Variants in GPATCH2L observed in about 807,000 individuals in gnomAD.
GPATCH2L encodes the protein G-patch domain containing 2 like, also known as G patch domain-containing protein 2-like.
GPATCH2L carries 31 observed loss-of-function variants against 57.4 expected under a neutral mutation model. That is an observed-to-expected ratio of 0.54 (90% CI 0.41 to 0.73). The LOEUF is 0.73. GPATCH2L is among the 30% of genes least tolerant of loss of function. The pLI, the probability that GPATCH2L is intolerant of heterozygous loss-of-function variation, is 0.00. For missense variants in GPATCH2L, 481 were observed against 599.9 expected, an observed-to-expected ratio of 0.80 and a Z score of 2.07; for synonymous variants, 199 against 210.7, an observed-to-expected ratio of 0.94 and a Z score of 0.48.
At chr14:76,159,889 T>C (rs1309782610) in intron 2 of GPATCH2L, among the ~76,000 whole-genome samples, 1 of 152,052 alleles carries the variant, frequency 6.6e-6, no homozygotes, top group Non-Finnish European at 1.5e-5. Flanking sequence ...TCCCGGCACT[T>C]TGGGAGGCCG....
chr14:76,194,484 A>AGTGTGTGTGTGTGTGTGTGTGT (rs59406744), intron 8 of GPATCH2L, among the ~76,000 whole-genome samples: 97 of 151,164 alleles, frequency 6.4e-4, no homozygotes, highest in African/African-American at 2.2e-3. Flanking sequence ...GAGACATGAA[A>AGTGTGTGTGTGTGTGTGTGTGT]GTGTGTGTGT....
chr14:76,189,378 C>A (rs1469399365), intron 8 of GPATCH2L, among the ~76,000 whole-genome samples: 2 of 150,742 alleles, frequency 1.3e-5, no homozygotes, highest in Admixed American at 6.6e-5. Flanking sequence ...TCTTCAATTT[C>A]TTTCATCCAT....
chr14:76,171,277 TAAA>T (rs57103783), intron 3 of GPATCH2L, among the ~76,000 whole-genome samples: 1 of 133,472 alleles, frequency 7.5e-6, no homozygotes, highest in Non-Finnish European at 1.6e-5. Flanking sequence ...TACAGAGAAT[TAAA>T]AAAAAAAAAA....
intron 1 of GPATCH2L, among the ~76,000 whole-genome samples, chr14:76,229,393 T>G (rs1335668992): frequency 6.6e-6 from 1 of 152,232 alleles, no homozygotes; most frequent in Non-Finnish European, 1.5e-5. Flanking sequence ...ACTATAACTT[T>G]GCAGGTAAAC....
At chr14:76,235,145 G>A (rs1343362512) in intron 2 of GPATCH2L, among the ~76,000 whole-genome samples, 6 of 143,414 alleles carry the variant, frequency 4.2e-5, no homozygotes, top group African/African-American at 1.6e-4. Context: ...TCCAGACTGG[G>A]CAACAAGAGC....
Position 76,173,535 on chromosome 14 carries a change from T to C in GPATCH2L, c.905-11T>C. The C allele has an allele frequency of 1.3e-6, 2 of 1,590,732 alleles. No homozygotes were observed. The highest frequency in any genetic ancestry group is 1.7e-6 in the Non-Finnish European group (2 of 1,163,498). On this transcript the variant is annotated splice_polypyrimidine_tract_variant and intron_variant, in intron 4 of 9. Coordinates refer to ENST00000261530, the MANE Select transcript of GPATCH2L (RefSeq NM_017926.4). The stretch of plus-strand genomic sequence containing the variant: ...TGCATTCGGTATCTGAGGCCTTCCT[T>C]CTTTTTTTAGGGTACCATACTCGCT...
At chr14:76,170,684 C>T (rs892004628) in intron 3 of GPATCH2L, 5 of 151,680 alleles carry the variant, frequency 3.3e-5, no homozygotes, top group Non-Finnish European at 7.4e-5. Context: ...ATTCTTTATT[C>T]ACCTTTTATG....
At chr14:76,163,941 A>G (rs973288236) in intron 2 of GPATCH2L, among the ~76,000 whole-genome samples, 6 of 152,172 alleles carry the variant, frequency 3.9e-5, no homozygotes, top group African/African-American at 1.4e-4. Flanking sequence ...TGGCCAGATC[A>G]TTCTCTTCCA....
rs1235446754 is a variant in GPATCH2L, at chr14:76,154,720, A to G, written c.357A>G (p.Glu119=). The change falls in exon 2 of 10, where the codon GAA becomes GAG. Residue 119 remains glutamate, a synonymous_variant. Transcript: ENST00000261530. The surrounding 1 kb of genome is among the most constrained non-coding windows in gnomAD (Gnocchi z 4.4). ...GGCATGAATCTGACTCCTTTACTGAAAATGCACCTTGTCGACCACTCAGGC... is the reference window on the plus strand; with the variant it reads ...GGCATGAATCTGACTCCTTTACTGAGAATGCACCTTGTCGACCACTCAGGC... ...HSWHESDSFT[E]NAPCRPLRRR... The G allele has an allele frequency of 6.2e-7, 1 of 1,614,164 alleles. No individual in the cohort carries two copies. The highest frequency in any genetic ancestry group is 1.1e-5 in the South Asian group (1 of 91,082).
chr14:76,217,216 G>GT (rs1040569820), downstream of GPATCH2L, among the ~76,000 whole-genome samples: 30 of 152,252 alleles, frequency 2.0e-4, no homozygotes, highest in African/African-American at 4.6e-4. Flanking sequence ...GTTTTGTTTT[G>GT]TTTTTTCTGC....
chr14:76,179,420 A>T (rs145321881), intron 7 of GPATCH2L: 210 of 152,370 alleles, frequency 1.4e-3, no homozygotes, highest in African/African-American at 4.7e-3. Flanking sequence ...GAGAGACTGC[A>T]GTTTGGGGAA....
Position 76,176,605 on chromosome 14 carries a change from T to A in GPATCH2L, c.985-18T>A, listed in dbSNP as rs1311924830. ...TTTCTGTGGTTGGATGATACTCTTGTCTGCCTTTTCTTTTTAGGAGACCAG... is the reference window on the plus strand; with the variant it reads ...TTTCTGTGGTTGGATGATACTCTTGACTGCCTTTTCTTTTTAGGAGACCAG... On this transcript the variant is annotated intron_variant, in intron 5 of 9. Transcript: ENST00000261530. The A allele has an allele frequency of 6.4e-7, 1 of 1,565,464 alleles. No homozygotes were observed. The highest frequency in any genetic ancestry group is 2.2e-5 in the East Asian group (1 of 44,646).
chr14:76,180,709 G>C (rs1254560873), intron 7 of GPATCH2L, 55 bp from the exon 8 acceptor site: 2 of 1,124,754 alleles, frequency 1.8e-6, no homozygotes, highest in Non-Finnish European at 2.7e-6. Context: ...TTACCCTTTA[G>C]GATCAGGTCC....
At chr14:76,231,482 C>T (rs1031044043) in intron 2 of GPATCH2L, among the ~76,000 whole-genome samples, 1 of 152,094 alleles carries the variant, frequency 6.6e-6, no homozygotes, top group Non-Finnish European at 1.5e-5. Context: ...TCCTTACATT[C>T]CATCTCTCTT....
intron 8 of GPATCH2L, among the ~76,000 whole-genome samples, chr14:76,182,058 T>C (rs1272357207): frequency 6.6e-6 from 1 of 152,152 alleles, no homozygotes; most frequent in Admixed American, 6.5e-5. Context: ...ACAAATGGTG[T>C]TATTAAGAAT....
At chr14:76,155,400 T>G (rs2038260113) in intron 2 of GPATCH2L, among the ~76,000 whole-genome samples, 1 of 152,238 alleles carries the variant, frequency 6.6e-6, no homozygotes, top group Admixed American at 6.5e-5. Flanking sequence ...TGAGAGAGAA[T>G]ATGCTAGCGC....
At chr14:76,217,642 C>T (rs1244361351), downstream of GPATCH2L, among the ~76,000 whole-genome samples, 1 of 151,688 alleles carries the variant, frequency 6.6e-6, no homozygotes, top group East Asian at 1.9e-4. Flanking sequence ...AACTAAAATA[C>T]AAGTGATAAC....
intron 7 of GPATCH2L, chr14:76,178,980 C>A (rs1446147839): frequency 6.6e-6 from 1 of 151,656 alleles, no homozygotes; most frequent in African/African-American, 2.4e-5. Context: ...TGGAGGATTG[C>A]ATTATCTTGG....
chr14:76,179,689 A>C (rs2039481780), intron 7 of GPATCH2L: 1 of 152,208 alleles, frequency 6.6e-6, no homozygotes, highest in Non-Finnish European at 1.5e-5. Flanking sequence ...TTTGTATGTC[A>C]GAGGGTATTA....
Sources: gnomAD v4.1 joint callset for allele counts (sites outside exome capture counted in the v4.1 genomes callset) on GRCh38, gnomAD v4.1.1 for gene constraint, Gnocchi (gnomAD v3.1) non-coding constraint, MANE v1.5 for transcripts, NCBI Gene and HGNC (gene_info 2026-07-23, HGNC 2026-07-21) for gene names.